Variants in RUFY1 observed in about 807,000 individuals in gnomAD.
RUFY1 encodes the protein RUN and FYVE domain containing 1, also known as RUN and FYVE domain-containing protein 1.
In RUFY1, 54 loss-of-function variants were observed where a neutral mutation model predicts 94.6. The observed-to-expected ratio is 0.57, with a 90% CI of 0.46 to 0.72. The LOEUF (loss-of-function observed/expected upper bound fraction) is 0.72, where lower values mean the gene tolerates loss of function less well. Ranked by LOEUF, RUFY1 falls within the 30% of genes least tolerant of loss-of-function variation. The pLI, the probability that RUFY1 is intolerant of heterozygous loss-of-function variation, is 0.00. For missense variants in RUFY1, 883 were observed against 883.9 expected (o/e 1.00, Z 0.01); for synonymous variants, 396 against 347.3 (o/e 1.14, Z -1.56).
In RUFY1 at chr5:179,550,893, G is replaced by T. The variant is rs1022880740; in HGVS notation, c.310+14G>T. ...CGGCGCGCGCAGGTAGGCTCGGGCC[G>T]GGTCTGTCCCGCGGCGGACTCGCGT... On this transcript the variant is annotated intron_variant, in intron 1 of 17. Transcript: ENST00000319449. 129 of 1,134,152 alleles carry T rather than the reference G, an allele frequency of 1.1e-4. No individual in the cohort carries two copies. Among genetic ancestry groups the T allele is most frequent in the Admixed American group, 2.9e-4 (6 of 20,358 alleles). The allele number at this position is 1,134,152 out of a possible 1,614,324, so 70.3% of individuals were successfully genotyped here. A position where few individuals can be genotyped will look rare whatever the true frequency, so the allele number is the denominator to read the frequency against.
chr5:179,550,954 C>T (rs2127499191), intron 1 of RUFY1, 75 bp downstream of exon 1: 1 of 1,007,184 alleles, frequency 9.9e-7, no homozygotes, highest in Non-Finnish European at 1.2e-6. Context: ...GCGGTGGGGG[C>T]CGGGCTGGGA....
At chr5:179,554,772 A>G (rs1468529373) in intron 1 of RUFY1, among the ~76,000 whole-genome samples, 2 of 151,904 alleles carry the variant, frequency 1.3e-5, no homozygotes, top group Non-Finnish European at 2.9e-5. Flanking sequence ...GTTTGAGACC[A>G]GCCTGGCCAA....
chr5:179,593,501 A>G lies in RUFY1; in HGVS notation c.1269A>G (p.Leu423=). The part of the protein sequence containing the change: ...VRLELEKELE[L]QIGMKTEMEI... The stretch of plus-strand genomic sequence containing the variant: ...AGGAACTGGAAAAAGAACTGGAGTT[A>G]CAAATTGGAATGAAAACCGAAATGG... The change falls in exon 11 of 18, where the codon TTA becomes TTG. Residue 423 remains leucine, a synonymous_variant. Transcript: ENST00000319449. 3 of 1,602,846 alleles carry G rather than the reference A, an allele frequency of 1.9e-6. No individual in the cohort carries two copies. Among genetic ancestry groups the G allele is most frequent in the Non-Finnish European group, 2.6e-6 (3 of 1,169,662 alleles).
At position 179,605,053 on chromosome 5, in the gene RUFY1, T is replaced by TCAATTGA. The variant is rs1365960116; in HGVS notation, c.1857-823_1857-822insCAATTGA. The stretch of plus-strand genomic sequence containing the variant: ...TAGCACTTTGGGAGGCTGAGGCAGG[T>TCAATTGA]GGGTCAATTGAGGTCAGGAGTTCAA... On this transcript the variant is annotated intron_variant, in intron 15 of 17. Transcript: ENST00000319449. 5.3e-5 allele frequency among the ~76,000 whole-genome samples: 8 copies of TCAATTGA among 150,794 alleles called. No homozygotes were observed. In the South Asian group the frequency reaches 1.3e-3, roughly 24 times the overall value.
At chr5:179,563,442 G>A (rs1762590773) in intron 3 of RUFY1, among the ~76,000 whole-genome samples, 1 of 152,186 alleles carries the variant, frequency 6.6e-6, no homozygotes, top group Non-Finnish European at 1.5e-5. Context: ...GAGACTTAGA[G>A]TGGTTGAGTA....
chr5:179,586,477 T>C (rs1192243681), intron 8 of RUFY1: 1 of 455,784 alleles, frequency 2.2e-6, no homozygotes, highest in Non-Finnish European at 4.4e-6. Context: ...TTTCCACAGG[T>C]AGCAGTCCCC....
intron 14 of RUFY1, 43 bp downstream of exon 14, chr5:179,598,864 C>G (rs1581546436): frequency 1.2e-6 from 2 of 1,611,482 alleles, no homozygotes; most frequent in Non-Finnish European, 1.7e-6. Context: ...CTGGCAGCCT[C>G]CAGAAACCCC....
rs796735626 is a variant in RUFY1, at chr5:179,580,391, C to T, written c.891-556C>T. Among the ~76,000 whole-genome samples the T allele has an allele frequency of 1.8e-3, 273 of 151,462 alleles. 1 individual carries two copies. Among genetic ancestry groups the T allele is most frequent in the African/African-American group, 5.5e-3 (227 of 41,342 alleles). On this transcript the variant is annotated intron_variant, in intron 6 of 17. Transcript: ENST00000319449. ...CCGAGGAGCTGGGACTACAGGCGCC[C>T]GCCACCACGCCCGGCTAATTTTTTG...
At chr5:179,572,344 G>C (rs547397519) in intron 5 of RUFY1, 11 of 195,840 alleles carry the variant, frequency 5.6e-5, no homozygotes, top group Non-Finnish European at 1.2e-4. Context: ...CCATGCCGAG[G>C]ATTTCCGCAA....
chr5:179,604,993 AAAG>A (rs1226822288), intron 15 of RUFY1, among the ~76,000 whole-genome samples: 3 of 149,898 alleles, frequency 2.0e-5, no homozygotes, highest in Admixed American at 1.3e-4. Context: ...CAAAAAAAAA[AAAG>A]AAAAAAAGAA....
Position 179,559,799 on chromosome 5 carries a change from C to T in RUFY1, c.311-226C>T. 4.6e-6 allele frequency: 6 copies of T among 1,292,474 alleles called. No homozygotes were observed. In the South Asian group the frequency reaches 8.7e-5, roughly 19 times the overall value. 80.1% of individuals were successfully genotyped at this position (1,292,474 alleles called of 1,614,324 possible). On this transcript the variant is annotated intron_variant, in intron 1 of 17. Coordinates refer to ENST00000319449, the MANE Select transcript of RUFY1 (RefSeq NM_025158.5). Reference sequence around the variant, plus strand: ...TGGGAGAGGCCTCTGGAGCAGGAGGCCCAGTGGCTCTTCTGACCCAAGGCC... The same window carrying T: ...TGGGAGAGGCCTCTGGAGCAGGAGGTCCAGTGGCTCTTCTGACCCAAGGCC...
chr5:179,591,531 C>G lies in RUFY1; in HGVS notation c.1129-94C>G, dbSNP rs762413451. On this transcript the variant is annotated intron_variant, in intron 9 of 17. Transcript: ENST00000319449. ...TGCTTAAAAAATAAAAATTACCTTA[C>G]ATTTTTTAAAATTGTGGTATATTTT... is the stretch of plus-strand genomic sequence containing the variant. 8 of 820,112 alleles carry G rather than the reference C, an allele frequency of 9.8e-6. No homozygotes were observed. The Middle Eastern group carries it at 6.8e-4, about 70-fold the overall frequency. The allele number at this position is 820,112 out of a possible 1,614,324, so 50.8% of individuals were successfully genotyped here. A position where few individuals can be genotyped will look rare whatever the true frequency, so the allele number is the denominator to read the frequency against.
intron 6 of RUFY1, among the ~76,000 whole-genome samples, chr5:179,579,657 C>CTTCTTTTTTTTTTTTTTTTTTTTT (rs1433456916): frequency 2.0e-5 from 1 of 50,548 alleles, no homozygotes; most frequent in African/African-American, 6.1e-5. Context: ...TTTTCTTCTT[C>CTTCTTTTTTTTTTTTTTTTTTTTT]TTTTTTTTTT....
At chr5:179,577,006 T>A (rs1006279443) in intron 5 of RUFY1, 69 bp from the exon 6 acceptor site, 3 of 1,063,582 alleles carry the variant, frequency 2.8e-6, no homozygotes, top group African/African-American at 3.1e-5. Flanking sequence ...AATACCTGAA[T>A]TTCAAAGGTT....
Position 179,550,623 on chromosome 5 carries a change from G to C in RUFY1, c.54G>C (p.Pro18=). The change falls in exon 1 of 18, where the codon CCG becomes CCC. Residue 18 remains proline (P), a synonymous_variant. Coordinates refer to ENST00000319449, the MANE Select transcript of RUFY1 (RefSeq NM_025158.5). ...CTGGGCGGGGGCGGGAGCTGGAGCC[G>C]GAGCTGGAGCCGGGGCCGGGGCCCG... ...CAAGRGRELE[P]ELEPGPGPGS... The C allele has an allele frequency of 7.3e-7, 1 of 1,369,490 alleles. No individual in the cohort carries two copies. The highest frequency in any genetic ancestry group is 9.3e-7 in the Non-Finnish European group (1 of 1,070,116). The allele number at this position is 1,369,490 out of a possible 1,614,324, so 84.8% of individuals were successfully genotyped here. A position where few individuals can be genotyped will look rare whatever the true frequency, so the allele number is the denominator to read the frequency against.
chr5:179,566,595 A>G (rs1762847990), intron 3 of RUFY1, among the ~76,000 whole-genome samples: 3 of 151,048 alleles, frequency 2.0e-5, no homozygotes. Context: ...ACTGCACTCT[A>G]ACCTGGGTGA....
intron 14 of RUFY1, 121 bp downstream of exon 14, chr5:179,598,942 G>A: frequency 1.8e-6 from 2 of 1,109,952 alleles, no homozygotes; most frequent in South Asian, 1.5e-5. Flanking sequence ...CCAGGGTGTG[G>A]GGAGGCTGTT....
intron 5 of RUFY1, among the ~76,000 whole-genome samples, chr5:179,573,785 GTGC>G (rs1387200157): frequency 1.3e-5 from 2 of 152,112 alleles, no homozygotes; most frequent in Non-Finnish European, 2.9e-5. Flanking sequence ...GCCTCCCAAA[GTGC>G]TGGGATTACA....
At chr5:179,602,584 G>C (rs2127572209) in intron 15 of RUFY1, 1 of 152,430 alleles carries the variant, frequency 6.6e-6, no homozygotes, top group South Asian at 2.1e-4. Context: ...TGCGGACTGT[G>C]GAACTTGCCC....
Sources: allele counts gnomAD v4.1 joint callset (sites outside exome capture counted in the v4.1 genomes callset), GRCh38; gene constraint gnomAD v4.1.1; transcripts MANE v1.5; gene names NCBI Gene and HGNC (gene_info 2026-07-23, HGNC 2026-07-21).